Variants in TMEM132D observed in about 807,000 individuals in gnomAD.
The protein encoded by TMEM132D is mature OL transmembrane protein.
Under a neutral mutation model 62.3 loss-of-function variants are expected in TMEM132D, and 21 were observed. That is an observed-to-expected ratio of 0.34 (90% CI 0.24 to 0.49). TMEM132D has a LOEUF of 0.49. Among genes scored for constraint, TMEM132D ranks in the 20% least tolerant of loss-of-function variants. TMEM132D has a pLI of 0.99. For synonymous variants in TMEM132D, 621 were observed against 575.6 expected, an observed-to-expected ratio of 1.08 and a Z score of -1.13; for missense variants, 1,346 against 1,402.8, an observed-to-expected ratio of 0.96 and a Z score of 0.65.
intron 3 of TMEM132D, among the ~76,000 whole-genome samples, chr12:129,400,839 C>A (rs1871600671): frequency 6.6e-6 from 1 of 152,052 alleles, no homozygotes; most frequent in South Asian, 2.1e-4. Context: ...CAACCAATAT[C>A]TTGGTGTGAA....
At chr12:129,406,020 C>T (rs1350881714) in intron 3 of TMEM132D, among the ~76,000 whole-genome samples, 1 of 152,178 alleles carries the variant, frequency 6.6e-6, no homozygotes, top group Non-Finnish European at 1.5e-5. Context: ...CACTCCAAAA[C>T]CTTACAAAAA....
At chr12:129,684,084 C>A (rs1321466639) in intron 2 of TMEM132D, among the ~76,000 whole-genome samples, 1 of 152,152 alleles carries the variant, frequency 6.6e-6, no homozygotes, top group Non-Finnish European at 1.5e-5. Flanking sequence ...AGTTGCAAAG[C>A]AACCTCTTCT....
At chr12:129,207,302 T>C (rs1414042479) in intron 5 of TMEM132D, among the ~76,000 whole-genome samples, 1 of 151,604 alleles carries the variant, frequency 6.6e-6, no homozygotes, top group East Asian at 1.9e-4. Context: ...AGTCAGACGA[T>C]GAATACAGCA....
At chr12:129,610,965 C>G in intron 2 of TMEM132D, among the ~76,000 whole-genome samples, 1 of 152,178 alleles carries the variant, frequency 6.6e-6, no homozygotes, top group East Asian at 1.9e-4. Context: ...GTGCATTCAC[C>G]TAGATCAGGC....
intron 2 of TMEM132D, among the ~76,000 whole-genome samples, chr12:129,589,033 CT>C (rs1298718016): frequency 2.0e-5 from 3 of 151,844 alleles, no homozygotes; most frequent in African/African-American, 7.3e-5. Flanking sequence ...TTTTTCTTTC[CT>C]TTTTTTAAAC....
chr12:129,580,335 C>T (rs155684), intron 2 of TMEM132D, among the ~76,000 whole-genome samples: 1,934 of 152,294 alleles, frequency 0.013, 54 homozygotes, highest in African/African-American at 0.044. Flanking sequence ...ACCACATCCA[C>T]GCCTGCATTC....
chr12:129,616,744 T>C (rs1878927113), intron 2 of TMEM132D, among the ~76,000 whole-genome samples: 1 of 152,218 alleles, frequency 6.6e-6, no homozygotes, highest in Non-Finnish European at 1.5e-5. Flanking sequence ...CCAGCCCTGC[T>C]GAACTGTGAG....
At chr12:129,810,306 A>T (rs191352309) in intron 1 of TMEM132D, among the ~76,000 whole-genome samples, 31 of 152,258 alleles carry the variant, frequency 2.0e-4, no homozygotes, top group Middle Eastern at 6.8e-3. Context: ...TATTTTTTTT[A>T]AAATGCAAGA....
intron 3 of TMEM132D, among the ~76,000 whole-genome samples, chr12:129,351,508 C>G (rs1869860814): frequency 6.6e-6 from 1 of 152,162 alleles, no homozygotes; most frequent in South Asian, 2.1e-4. Context: ...AACAGCGGCC[C>G]AAGAGGGAAC....
chr12:129,365,401 G>A (rs1443111615), intron 3 of TMEM132D, among the ~76,000 whole-genome samples: 1 of 152,170 alleles, frequency 6.6e-6, no homozygotes, highest in East Asian at 1.9e-4. Flanking sequence ...CTTATCAAGA[G>A]AGAATTTGTC....
At position 129,578,776 on chromosome 12, in the gene TMEM132D, A is replaced by C. The variant is rs972045521; in HGVS notation, c.969-47571T>G. ...GCAGGAGACGACTGATGTCCCACTT[A>C]AGCAACTGGTCAGAGTTAATTCAAC... On this transcript the variant is annotated intron_variant, in intron 2 of 8. Transcript: ENST00000422113. 6.6e-5 allele frequency among the ~76,000 whole-genome samples: 10 copies of C among 152,120 alleles called. No homozygotes were observed. The East Asian group carries it at 1.9e-3, about 29-fold the overall frequency.
In TMEM132D at chr12:129,339,719, GTA is replaced by G. The variant is rs112830003; in HGVS notation, c.1116-1904_1116-1903del. 3.6e-3 allele frequency among the ~76,000 whole-genome samples: 548 copies of G among 152,242 alleles called. 4 individuals are homozygous for G. Among genetic ancestry groups the G allele is most frequent in the African/African-American group, 0.012 (517 of 41,530 alleles). ...GTATTCGAACTTGACAAGAATTTTG[GTA>G]TGACTTTCCCATTGATGAAATGGGA... On this transcript the variant is annotated intron_variant, in intron 3 of 8. Transcript: ENST00000422113.
At chr12:129,767,894 TCA>T (rs1486270653) in intron 1 of TMEM132D, among the ~76,000 whole-genome samples, 5 of 152,150 alleles carry the variant, frequency 3.3e-5, no homozygotes, top group African/African-American at 1.2e-4. Flanking sequence ...TGGGGAGGCC[TCA>T]CAGTCATGGC....
At chr12:129,456,812 CA>C (rs1873485862) in intron 3 of TMEM132D, among the ~76,000 whole-genome samples, 1 of 152,160 alleles carries the variant, frequency 6.6e-6, no homozygotes, top group Non-Finnish European at 1.5e-5. Flanking sequence ...TGGTTGGTTT[CA>C]GCCAGAGGAA....
intron 4 of TMEM132D, among the ~76,000 whole-genome samples, chr12:129,293,248 G>A (rs755293938): frequency 9.2e-5 from 14 of 152,166 alleles, no homozygotes; most frequent in Non-Finnish European, 1.6e-4. Context: ...ATGTAGGTGG[G>A]GTGAAAGAGG....
intron 3 of TMEM132D, among the ~76,000 whole-genome samples, chr12:129,530,557 C>T (rs1343648910): frequency 3.9e-5 from 6 of 152,182 alleles, no homozygotes; most frequent in Non-Finnish European, 8.8e-5. Flanking sequence ...TCCACAATTC[C>T]CTGCAATTCT....
At chr12:129,542,010 C>T (rs1231126375) in intron 2 of TMEM132D, among the ~76,000 whole-genome samples, 1 of 152,196 alleles carries the variant, frequency 6.6e-6, no homozygotes, top group Non-Finnish European at 1.5e-5. Context: ...ATAATCCTTG[C>T]CTCCAATGGG....
intron 3 of TMEM132D, among the ~76,000 whole-genome samples, chr12:129,462,980 A>G (rs1281257814): frequency 6.6e-6 from 1 of 152,202 alleles, no homozygotes; most frequent in Admixed American, 6.5e-5. Context: ...GGAGCCCACA[A>G]TAAACTCCAG....
intron 1 of TMEM132D, among the ~76,000 whole-genome samples, chr12:129,709,386 G>T (rs1037083727): frequency 6.6e-6 from 1 of 152,218 alleles, no homozygotes; most frequent in Non-Finnish European, 1.5e-5. Context: ...GAAAGGATAT[G>T]TAACTATTTA....
Sources: gnomAD v4.1 joint callset for allele counts (sites outside exome capture counted in the v4.1 genomes callset) on GRCh38, gnomAD v4.1.1 for gene constraint, MANE v1.5 for transcripts, NCBI Gene and HGNC (gene_info 2026-07-23, HGNC 2026-07-21) for gene names.